The following LIPI variants were observed in gnomAD, a reference collection of about 807,000 sequenced individuals.
The protein encoded by LIPI is lipase member I.
LIPI carries 59 observed loss-of-function variants against 50.6 expected under a neutral mutation model. The observed-to-expected ratio is 1.16, with a 90% CI of 0.94 to 1.45. The LOEUF (loss-of-function observed/expected upper bound fraction) is 1.45. LIPI is among the 40% of genes most tolerant of loss of function. LIPI has a pLI of 0.00. For synonymous variants in LIPI, 203 were observed against 178.2 expected (o/e 1.14, Z -1.11); for missense variants, 586 against 536.3 (o/e 1.09, Z -0.92).
Position 14,189,455 on chromosome 21 carries a change from G to A in LIPI, c.47-36C>T, listed in dbSNP as rs140868104. The A allele has an allele frequency of 2.9e-4, 456 of 1,589,196 alleles. 2 individuals carry two copies. The African/African-American group carries it at 5.5e-3, about 19-fold the overall frequency. ...AAAATGTCAGTCAAGCTGAGTACTG[G>A]GATAGTATTTTATTCCTGTTGCTAT... On this transcript the variant is annotated intron_variant, in intron 1 of 9. Transcript: ENST00000681601.
intron 9 of LIPI, among the ~76,000 whole-genome samples, chr21:14,113,258 A>G (rs1355078191): frequency 2.6e-5 from 4 of 152,236 alleles, no homozygotes; most frequent in East Asian, 1.9e-4. Flanking sequence ...AAATCAACCA[A>G]TTGAAACTAA....
At position 14,165,205 on chromosome 21, in the gene LIPI, T is replaced by C. The variant is rs1160221316; in HGVS notation, c.901+18A>G. On this transcript the variant is annotated intron_variant, in intron 6 of 9. Transcript: ENST00000681601. ...CATATTAAATAAGAATGATAGTAAC[T>C]ATAATAATCTCTCTTACCCAGCCGA... The C allele has an allele frequency of 7.7e-6, 12 of 1,552,610 alleles. No individual in the cohort carries two copies. Among genetic ancestry groups the C allele is most frequent in the Non-Finnish European group, 9.8e-6 (11 of 1,125,500 alleles).
chr21:14,170,994 G>A (rs2018880492), intron 4 of LIPI, among the ~76,000 whole-genome samples: 1 of 151,458 alleles, frequency 6.6e-6, no homozygotes, highest in Admixed American at 6.6e-5. Context: ...ATCTCCTTAA[G>A]CTGATAAGCA....
intron 8 of LIPI, among the ~76,000 whole-genome samples, chr21:14,148,010 A>G (rs1361423425): frequency 1.3e-5 from 2 of 152,160 alleles, no homozygotes; most frequent in African/African-American, 4.8e-5. Flanking sequence ...TGAATATCCA[A>G]TATTGATATT....
In LIPI at chr21:14,165,400, T is replaced by TA. The variant is rs752203308; in HGVS notation, c.734-11dup. On this transcript the variant is annotated splice_polypyrimidine_tract_variant and intron_variant, in intron 5 of 9. Transcript: ENST00000681601. The stretch of plus-strand genomic sequence containing the variant: ...TTAATGAATTGAATTCCTTAAGGGT[T>TA]AAAAAAAAAACAAAGAACTGTAGAT... The TA allele has an allele frequency of 5.4e-3, 7,695 of 1,437,628 alleles. 1 individual carries two copies. The highest frequency in any genetic ancestry group is 6.2e-3 in the Non-Finnish European group (6,484 of 1,051,788). The allele number at this position is 1,437,628 out of a possible 1,614,324, so 89.1% of individuals were successfully genotyped here. A position where few individuals can be genotyped will look rare whatever the true frequency, so the allele number is the denominator to read the frequency against.
chr21:14,160,751 A>G (rs117698140), intron 7 of LIPI, among the ~76,000 whole-genome samples: 2 of 151,546 alleles, frequency 1.3e-5, no homozygotes, highest in East Asian at 3.9e-4. Flanking sequence ...AAATATTGAC[A>G]AGGACTAGTT....
rs62209380 is a variant in LIPI, at chr21:14,157,454, T to C, written c.1007-4770A>G. ...GAGGCAGGATTGTCTAGAAAAAATA[T>C]GGAGGAGTCTCTTTTTTAATAGAAT... On this transcript the variant is annotated intron_variant, in intron 7 of 9. Coordinates refer to ENST00000681601, the MANE Select transcript of LIPI (RefSeq NM_001302998.2). 3.4e-3 allele frequency among the ~76,000 whole-genome samples: 513 copies of C among 152,056 alleles called. 1 individual carries two copies. The highest frequency in any genetic ancestry group is 7.9e-3 in the Admixed American group (120 of 15,204).
At chr21:14,147,287 T>G (rs1397551400) in intron 8 of LIPI, among the ~76,000 whole-genome samples, 3 of 152,176 alleles carry the variant, frequency 2.0e-5, no homozygotes, top group Non-Finnish European at 2.9e-5. Flanking sequence ...ATTTTAATTT[T>G]CTATATACAT....
At chr21:14,169,733 T>G in intron 4 of LIPI, among the ~76,000 whole-genome samples, 1 of 144,358 alleles carries the variant, frequency 6.9e-6, no homozygotes, top group East Asian at 1.9e-4. Flanking sequence ...GGGAAATTTG[T>G]AGCACTAAAT....
intron 4 of LIPI, among the ~76,000 whole-genome samples, chr21:14,171,363 T>C (rs1044685688): frequency 1.3e-5 from 2 of 148,556 alleles, no homozygotes; most frequent in African/African-American, 4.9e-5. Flanking sequence ...TGGAAAAAAC[T>C]ACTTTAAAGT....
chr21:14,134,472 C>G (rs909613716), intron 9 of LIPI, among the ~76,000 whole-genome samples: 14 of 151,858 alleles, frequency 9.2e-5, no homozygotes, highest in African/African-American at 3.4e-4. Context: ...AGAAGAGAGC[C>G]CAAATAACCA....
intron 9 of LIPI, among the ~76,000 whole-genome samples, chr21:14,142,225 A>T (rs1229025719): frequency 1.3e-5 from 2 of 152,112 alleles, no homozygotes; most frequent in African/African-American, 4.8e-5. Context: ...TGACAGGTTG[A>T]TGGGTGCAGC....
intron 7 of LIPI, among the ~76,000 whole-genome samples, chr21:14,153,202 G>C (rs763104015): frequency 4.6e-5 from 7 of 152,122 alleles, no homozygotes; most frequent in Non-Finnish European, 1.0e-4. Context: ...AACTTTGGTA[G>C]AGTATATCTT....
intron 4 of LIPI, among the ~76,000 whole-genome samples, chr21:14,172,258 C>T (rs1406203196): frequency 2.0e-5 from 3 of 151,788 alleles, no homozygotes; most frequent in African/African-American, 7.3e-5. Flanking sequence ...AACACTTTTA[C>T]ACTGTTGGTG....
chr21:14,202,162 A>G (rs575126828), intron 1 of LIPI, among the ~76,000 whole-genome samples: 29 of 152,330 alleles, frequency 1.9e-4, no homozygotes, highest in Admixed American at 1.8e-3. Flanking sequence ...ACTACAAACC[A>G]CTGCTCAATG....
chr21:14,191,456 G>T (rs2019673856), intron 1 of LIPI, among the ~76,000 whole-genome samples: 4 of 150,334 alleles, frequency 2.7e-5, no homozygotes, highest in Admixed American at 2.7e-4. Flanking sequence ...CTAGAGAAAA[G>T]AATATATATG....
At chr21:14,165,518 C>CTGTGTATT in intron 5 of LIPI, 128 bp from the exon 6 acceptor site, 2 of 662,298 alleles carry the variant, frequency 3.0e-6, no homozygotes, top group Non-Finnish European at 2.6e-6. Flanking sequence ...GACTATAATA[C>CTGTGTATT]ACAGTTTTAT....
chr21:14,175,262 G>A (rs1226191603), intron 4 of LIPI, among the ~76,000 whole-genome samples: 1 of 152,118 alleles, frequency 6.6e-6, no homozygotes, highest in Non-Finnish European at 1.5e-5. Context: ...AATAGTTGTA[G>A]CGTATCTTTG....
At chr21:14,115,303 A>G (rs1600823578) in intron 9 of LIPI, among the ~76,000 whole-genome samples, 1 of 152,206 alleles carries the variant, frequency 6.6e-6, no homozygotes. Context: ...TGGAACATAT[A>G]GCATAAATAA....
Sources: gnomAD v4.1 joint callset for allele counts (sites outside exome capture counted in the v4.1 genomes callset) on GRCh38, gnomAD v4.1.1 for gene constraint, MANE v1.5 for transcripts, NCBI Gene and HGNC (gene_info 2026-07-23, HGNC 2026-07-21) for gene names.